ZNF516: variants seen among roughly 807,000 people sequenced by gnomAD.
The protein encoded by ZNF516 is zinc finger protein 516.
Under a neutral mutation model 79.7 loss-of-function variants are expected in ZNF516, and 19 were observed. The ratio of observed to expected loss-of-function variants is 0.24; its 90% confidence interval spans 0.17 to 0.35. The LOEUF (loss-of-function observed/expected upper bound fraction) is 0.35, where lower values mean the gene tolerates loss of function less well. ZNF516 is among the 10% of genes least tolerant of loss of function. The probability of loss-of-function intolerance (pLI) is 1.00; values close to 1 mark genes in which losing one functional copy is unlikely to be tolerated. For missense variants in ZNF516, 1,678 were observed against 1,679.5 expected, an observed-to-expected ratio of 1.00 and a Z score of 0.02; for synonymous variants, 877 against 739.5, an observed-to-expected ratio of 1.19 and a Z score of -3.02.
At chr18:76,399,958 G>T (rs1028333325) in intron 3 of ZNF516, among the ~76,000 whole-genome samples, 5 of 152,186 alleles carry the variant, frequency 3.3e-5, no homozygotes, top group African/African-American at 1.2e-4. Flanking sequence ...TGGTCTCCCA[G>T]TGGGGTGGTT....
rs374427217 is a variant in ZNF516 at position 76,445,488 on chromosome 18, GCTGAAT to G, written c.-157-2283_-157-2278del. Among the ~76,000 whole-genome samples, 172 of 152,256 alleles carry G rather than the reference GCTGAAT, an allele frequency of 1.1e-3. 1 individual carries two copies. The highest frequency in any genetic ancestry group is 4.1e-3 in the African/African-American group (169 of 41,544). On this transcript the variant is annotated intron_variant, in intron 2 of 6. Transcript: ENST00000443185. ...CCCCAGTTCACTCCCCCACAAAAATGCTGAATCTGATATTCAAAGTATGAATGAAAC... is the reference window on the plus strand; with the variant it reads ...CCCCAGTTCACTCCCCCACAAAAATGCTGATATTCAAAGTATGAATGAAAC...
intron 3 of ZNF516, among the ~76,000 whole-genome samples, chr18:76,385,133 C>T (rs1372379812): frequency 1.3e-5 from 2 of 152,244 alleles, no homozygotes; most frequent in African/African-American, 4.8e-5. Context: ...ACACGCGTGC[C>T]ACAGACGGTG....
At chr18:76,432,608 G>T (rs1420500054) in intron 3 of ZNF516, among the ~76,000 whole-genome samples, 1 of 152,212 alleles carries the variant, frequency 6.6e-6, no homozygotes, top group East Asian at 1.9e-4. Context: ...AGAGCCTACA[G>T]CCCCACTCTC....
Position 76,491,488 on chromosome 18 carries a change from C to T in ZNF516, c.-272+3656G>A, listed in dbSNP as rs867458776. On this transcript the variant is annotated intron_variant, in intron 1 of 6. Transcript: ENST00000443185. ...GTGCGAAGTTGGGCTGTGGGTCCGTCTCTTTCACTTCTTGGGTTACAGTGC... is the reference window on the plus strand; with the variant it reads ...GTGCGAAGTTGGGCTGTGGGTCCGTTTCTTTCACTTCTTGGGTTACAGTGC... Among the ~76,000 whole-genome samples the T allele has an allele frequency of 2.7e-3, 363 of 136,600 alleles. 2 individuals are homozygous for T. The highest frequency in any genetic ancestry group is 0.02 in the Middle Eastern group (5 of 248). 89.6% of individuals were successfully genotyped at this position (136,600 alleles called of 152,430 possible).
rs570763116 is a variant in ZNF516 at position 76,376,006 on chromosome 18, T to C, written c.3259+2849A>G. On this transcript the variant is annotated intron_variant, in intron 4 of 6. Transcript: ENST00000443185. ...AAGGTCCCGGAGACCAGGCAGAGGATAGATGGGTAGGCCCAAGAGACCAGG... is the reference window on the plus strand; with the variant it reads ...AAGGTCCCGGAGACCAGGCAGAGGACAGATGGGTAGGCCCAAGAGACCAGG... Among the ~76,000 whole-genome samples, 3 of 150,970 alleles carry C rather than the reference T, an allele frequency of 2.0e-5. No individual in the cohort carries two copies. In the East Asian group the frequency reaches 6.0e-4, roughly 30 times the overall value.
intron 6 of ZNF516, among the ~76,000 whole-genome samples, 188 bp downstream of exon 6, chr18:76,370,340 G>C (rs572599679): frequency 6.6e-6 from 1 of 152,198 alleles, no homozygotes; most frequent in African/African-American, 2.4e-5. Context: ...CCGGCTGGGA[G>C]GACCTCTGTG....
At chr18:76,462,441 C>T (rs1193095913) in intron 2 of ZNF516, among the ~76,000 whole-genome samples, 2 of 152,246 alleles carry the variant, frequency 1.3e-5, no homozygotes, top group Admixed American at 6.5e-5. Context: ...GGGCAGGTCT[C>T]AGCAGAGAGA....
chr18:76,460,137 A>T (rs1363721959), intron 2 of ZNF516, among the ~76,000 whole-genome samples: 1 of 152,220 alleles, frequency 6.6e-6, no homozygotes, highest in Non-Finnish European at 1.5e-5. Flanking sequence ...GAAGGTTGAA[A>T]CATGCGGAAC....
intron 2 of ZNF516, among the ~76,000 whole-genome samples, chr18:76,460,670 C>T (rs1426324762): frequency 6.6e-6 from 1 of 152,130 alleles, no homozygotes; most frequent in Non-Finnish European, 1.5e-5. Flanking sequence ...GACAAGTAGA[C>T]AGCTCTACTC....
chr18:76,380,907 CA>C (rs2074881048), intron 3 of ZNF516, among the ~76,000 whole-genome samples: 1 of 152,222 alleles, frequency 6.6e-6, no homozygotes, highest in Non-Finnish European at 1.5e-5. Context: ...TTCTCAAGCC[CA>C]AAACACTGAT....
intron 2 of ZNF516, among the ~76,000 whole-genome samples, chr18:76,447,097 G>C (rs531783518): frequency 2.0e-5 from 3 of 152,266 alleles, no homozygotes; most frequent in African/African-American, 7.2e-5. Context: ...GTTACTCAGT[G>C]GCCAAATCAA....
In ZNF516 at chr18:76,382,525, G is replaced by C. The variant is rs369101984; in HGVS notation, c.1811-2222C>G. On this transcript the variant is annotated intron_variant, in intron 3 of 6. Transcript: ENST00000443185. ...TCTGTGGGGTTTTCAAAGCACGACTGTCGAGGCTTCCAAAATGTTCCCCAA... is the reference window on the plus strand; with the variant it reads ...TCTGTGGGGTTTTCAAAGCACGACTCTCGAGGCTTCCAAAATGTTCCCCAA... Among the ~76,000 whole-genome samples, 5 of 152,258 alleles carry C rather than the reference G, an allele frequency of 3.3e-5. 1 individual carries two copies. In the South Asian group the frequency reaches 1.0e-3, roughly 32 times the overall value.
chr18:76,375,154 C>A, intron 4 of ZNF516, among the ~76,000 whole-genome samples: 1 of 152,214 alleles, frequency 6.6e-6, no homozygotes, highest in East Asian at 1.9e-4. Flanking sequence ...GTTCACCTTT[C>A]CAATAGTCTG....
chr18:76,449,384 G>A (rs1051424963), intron 2 of ZNF516, among the ~76,000 whole-genome samples: 1 of 152,202 alleles, frequency 6.6e-6, no homozygotes, highest in South Asian at 2.1e-4. Flanking sequence ...TGCCCCACCT[G>A]TCATGAGGCT....
At chr18:76,380,406 C>T (rs1287405361) in intron 3 of ZNF516, 103 bp from the exon 4 acceptor site, 2 of 1,452,546 alleles carry the variant, frequency 1.4e-6, no homozygotes, top group African/African-American at 1.4e-5. Context: ...CATCTGTCTT[C>T]AGCGGGAGAA....
intron 5 of ZNF516, 48 bp from the exon 6 acceptor site, chr18:76,370,643 A>T (rs1196254516): frequency 6.7e-7 from 1 of 1,500,568 alleles, no homozygotes; most frequent in Non-Finnish European, 9.0e-7. Context: ...GAGCTTCCGG[A>T]CGTGCACATT....
At position 76,377,078 on chromosome 18, in the gene ZNF516, G is replaced by A. The variant is rs1345426188; in HGVS notation, c.3259+1777C>T. Among the ~76,000 whole-genome samples, 4 of 152,354 alleles carry A rather than the reference G, an allele frequency of 2.6e-5. No individual in the cohort carries two copies. The South Asian group carries it at 8.3e-4, about 32-fold the overall frequency. On this transcript the variant is annotated intron_variant, in intron 4 of 6. Transcript: ENST00000443185. ...TACGTGACTGAGAAACCCTGCTGAC[G>A]CTGAGGGAACTCGCTCACTGTAACT... is the stretch of plus-strand genomic sequence containing the variant.
intron 3 of ZNF516, among the ~76,000 whole-genome samples, chr18:76,433,423 G>A (rs765688311): frequency 4.6e-5 from 7 of 152,210 alleles, no homozygotes; most frequent in African/African-American, 1.2e-4. Context: ...GACGCAAGGC[G>A]GATGCTGGGG....
chr18:76,380,596 C>T (rs566851670), intron 3 of ZNF516, among the ~76,000 whole-genome samples: 1 of 152,146 alleles, frequency 6.6e-6, no homozygotes, highest in South Asian at 2.1e-4. Context: ...CCCTAGTTAA[C>T]AGAGGGTGAC....
Sources: allele counts gnomAD v4.1 joint callset (sites outside exome capture counted in the v4.1 genomes callset), GRCh38; gene constraint gnomAD v4.1.1; transcripts MANE v1.5; gene names NCBI Gene and HGNC (gene_info 2026-07-23, HGNC 2026-07-21).